Variants in SLC24A3 observed in about 807,000 individuals in gnomAD.
SLC24A3 encodes sodium/potassium/calcium exchanger 3.
A neutral mutation model predicts 75.8 loss-of-function variants in SLC24A3; 28 were observed. The ratio of observed to expected loss-of-function variants is 0.37; its 90% CI spans 0.27 to 0.51. SLC24A3 has a LOEUF of 0.51. SLC24A3 is among the 20% of genes least tolerant of loss of function. The pLI, the probability that SLC24A3 is intolerant of heterozygous loss-of-function variation, is 0.94. For missense variants in SLC24A3, 663 were observed against 847.8 expected, an observed-to-expected ratio of 0.78 and a Z score of 2.71; for synonymous variants, 372 against 334.1, an observed-to-expected ratio of 1.11 and a Z score of -1.24.
intron 2 of SLC24A3, among the ~76,000 whole-genome samples, chr20:19,468,060 A>G (rs1332524020): frequency 6.6e-6 from 1 of 152,118 alleles, no homozygotes; most frequent in East Asian, 1.9e-4. Flanking sequence ...GTTCAGCACC[A>G]TGGAGCAGAC....
chr20:19,423,081 G>A (rs16980524), intron 2 of SLC24A3, among the ~76,000 whole-genome samples: 5,094 of 152,296 alleles, frequency 0.033, 258 homozygotes, highest in African/African-American at 0.11. Context: ...CTATGGCTGG[G>A]CACCTGGCAT....
At chr20:19,312,176 A>T (rs1341140761) in intron 2 of SLC24A3, among the ~76,000 whole-genome samples, 1 of 152,184 alleles carries the variant, frequency 6.6e-6, no homozygotes, top group Non-Finnish European at 1.5e-5. Context: ...AGATCCCAGC[A>T]TTGGAAGAGT....
intron 2 of SLC24A3, among the ~76,000 whole-genome samples, chr20:19,341,175 A>G (rs1251485793): frequency 1.3e-5 from 2 of 152,242 alleles, no homozygotes; most frequent in Admixed American, 6.5e-5. Flanking sequence ...TGAGTCTTCC[A>G]GGTGGATACC....
chr20:19,229,217 C>T (rs1600383877), intron 1 of SLC24A3, among the ~76,000 whole-genome samples: 1 of 152,094 alleles, frequency 6.6e-6, no homozygotes, highest in South Asian at 2.1e-4. Context: ...TTTCTCAGTA[C>T]TAACGTATAT....
chr20:19,355,955 T>C (rs1010871940), intron 2 of SLC24A3, among the ~76,000 whole-genome samples: 4 of 152,160 alleles, frequency 2.6e-5, no homozygotes, highest in Non-Finnish European at 5.9e-5. Context: ...TAAAAACATA[T>C]GTATTTTGCT....
At chr20:19,666,237 T>G (rs2032397604) in intron 8 of SLC24A3, among the ~76,000 whole-genome samples, 1 of 152,184 alleles carries the variant, frequency 6.6e-6, no homozygotes, top group Non-Finnish European at 1.5e-5. Flanking sequence ...CCGGGCACAG[T>G]GGCTCATGCC....
chr20:19,620,786 A>G (rs1352690287), intron 6 of SLC24A3, among the ~76,000 whole-genome samples: 2 of 152,200 alleles, frequency 1.3e-5, no homozygotes, highest in Non-Finnish European at 2.9e-5. Context: ...GGATGAGGCA[A>G]TAACTCTGGC....
At chr20:19,360,890 A>G (rs1432133243) in intron 2 of SLC24A3, among the ~76,000 whole-genome samples, 1 of 151,960 alleles carries the variant, frequency 6.6e-6, no homozygotes, top group Non-Finnish European at 1.5e-5. Context: ...GCAGTGGCAC[A>G]ATCTCGGCTC....
chr20:19,561,291 G>T (rs1034393774), intron 3 of SLC24A3, among the ~76,000 whole-genome samples: 2 of 152,272 alleles, frequency 1.3e-5, no homozygotes, highest in Admixed American at 1.3e-4. Flanking sequence ...GACACCATCC[G>T]CTTTTCAGTT....
chr20:19,670,059 C>G (rs1488081917), intron 8 of SLC24A3, among the ~76,000 whole-genome samples: 1 of 152,148 alleles, frequency 6.6e-6, no homozygotes, highest in Non-Finnish European at 1.5e-5. Flanking sequence ...GGTCTGGATG[C>G]TTCCTAAGCA....
intron 2 of SLC24A3, among the ~76,000 whole-genome samples, chr20:19,354,594 G>A (rs4814840): frequency 0.5 from 72,567 of 145,456 alleles, 19,172 homozygotes; most frequent in African/African-American, 0.68. Context: ...GTGTATGTGT[G>A]TGTGTGTGTG....
At chr20:19,251,994 C>T (rs1982670908) in intron 1 of SLC24A3, among the ~76,000 whole-genome samples, 7 of 152,014 alleles carry the variant, frequency 4.6e-5, no homozygotes, top group Admixed American at 4.6e-4. Context: ...TGAACGCCAC[C>T]TAATGGGATG....
intron 9 of SLC24A3, among the ~76,000 whole-genome samples, chr20:19,677,686 C>CTTTTTTTTTTTTTTTTTTTT (rs796484728): frequency 1.8e-5 from 2 of 113,936 alleles, no homozygotes; most frequent in African/African-American, 3.3e-5. Context: ...TTTTTTTTTT[C>CTTTTTTTTTTTTTTTTTTTT]TTTTTTTTTT....
chr20:19,228,537 CG>C (rs1023034368), intron 1 of SLC24A3, among the ~76,000 whole-genome samples: 4 of 151,816 alleles, frequency 2.6e-5, no homozygotes, highest in African/African-American at 9.7e-5. Context: ...CTCAGCTACT[CG>C]GGAGACTGAG....
intron 1 of SLC24A3, among the ~76,000 whole-genome samples, chr20:19,264,778 A>G (rs1426402328): frequency 6.7e-6 from 1 of 150,366 alleles, no homozygotes; most frequent in East Asian, 2.0e-4. Context: ...GACTCTGGGG[A>G]GTTTGTGCTC....
chr20:19,305,494 T>C (rs773752808), intron 2 of SLC24A3, among the ~76,000 whole-genome samples: 58 of 151,890 alleles, frequency 3.8e-4, no homozygotes, highest in Non-Finnish European at 7.2e-4. Context: ...CCTCCATTCT[T>C]GCCTTGCTTG....
chr20:19,276,938 G>A (rs1342422800), intron 1 of SLC24A3, among the ~76,000 whole-genome samples: 1 of 151,846 alleles, frequency 6.6e-6, no homozygotes, highest in Non-Finnish European at 1.5e-5. Flanking sequence ...TATGCCCTCC[G>A]ACGCTGACAG....
At chr20:19,522,655 A>G (rs935253877) in intron 3 of SLC24A3, among the ~76,000 whole-genome samples, 1 of 152,236 alleles carries the variant, frequency 6.6e-6, no homozygotes, top group East Asian at 1.9e-4. Flanking sequence ...CTCCTGTCAC[A>G]GGGCCAGAGC....
At chr20:19,563,961 A>G (rs570120873) in intron 3 of SLC24A3, among the ~76,000 whole-genome samples, 1 of 152,332 alleles carries the variant, frequency 6.6e-6, no homozygotes, top group Admixed American at 6.5e-5. Context: ...GAGCTCTATC[A>G]TCTTGTAGAC....
Sources: gnomAD v4.1 joint callset for allele counts (sites outside exome capture counted in the v4.1 genomes callset) on GRCh38, gnomAD v4.1.1 for gene constraint, MANE v1.5 for transcripts, NCBI Gene and HGNC (gene_info 2026-07-23, HGNC 2026-07-21) for gene names.